The following PDCD6IP variants were observed in gnomAD, a reference collection of about 807,000 sequenced individuals.
PDCD6IP encodes programmed cell death 6 interacting protein.
Under a neutral mutation model 103.7 loss-of-function variants are expected in PDCD6IP, and 43 were observed. The ratio of observed to expected loss-of-function variants is 0.41; its 90% CI spans 0.32 to 0.53. The LOEUF is 0.53. Among genes scored for constraint, PDCD6IP ranks in the 20% least tolerant of loss-of-function variants. The pLI is 0.16. For synonymous variants in PDCD6IP, 354 were observed against 378.7 expected (o/e 0.93, Z 0.76); for missense variants, 871 against 1,036.7 (o/e 0.84, Z 2.20).
At chr3:33,809,532 GGTTTCAGTACTTAATACTTCAGA>G (rs1696671273) in intron 1 of PDCD6IP, among the ~76,000 whole-genome samples, 1 of 152,138 alleles carries the variant, frequency 6.6e-6, no homozygotes, top group Admixed American at 6.6e-5. Context: ...TCCACCAAAG[GGTTTCAGTACTTAATACTTCAGA>G]GTTTATTTCC....
chr3:33,859,365 GA>G (rs1304666183), intron 15 of PDCD6IP, among the ~76,000 whole-genome samples: 8 of 151,578 alleles, frequency 5.3e-5, no homozygotes, highest in African/African-American at 1.9e-4. Context: ...AAAAAGAAAA[GA>G]ATAAGTTTCT....
At chr3:33,835,333 T>C in intron 7 of PDCD6IP, 3 of 456,670 alleles carry the variant, frequency 6.6e-6, no homozygotes, top group South Asian at 4.6e-5. Context: ...ATCTCAATTC[T>C]CTGTGTTGTG....
At chr3:33,849,686 T>C (rs1240745188) in intron 12 of PDCD6IP, among the ~76,000 whole-genome samples, 2 of 152,258 alleles carry the variant, frequency 1.3e-5, no homozygotes, top group African/African-American at 2.4e-5. Flanking sequence ...CAAATTTGAA[T>C]TTATAAGAAA....
At chr3:33,802,673 A>G (rs1696503537) in intron 1 of PDCD6IP, among the ~76,000 whole-genome samples, 1 of 151,960 alleles carries the variant, frequency 6.6e-6, no homozygotes, top group Non-Finnish European at 1.5e-5. Context: ...TATTTTTGGT[A>G]GAGACGGGCT....
At chr3:33,814,054 T>C (rs1696776319) in intron 3 of PDCD6IP, among the ~76,000 whole-genome samples, 1 of 152,162 alleles carries the variant, frequency 6.6e-6, no homozygotes, top group African/African-American at 2.4e-5. Context: ...GGTGAGGACA[T>C]TTGATCTACC....
chr3:33,845,965 C>T (rs976949660), intron 12 of PDCD6IP, among the ~76,000 whole-genome samples: 1 of 152,152 alleles, frequency 6.6e-6, no homozygotes, highest in African/African-American at 2.4e-5. Flanking sequence ...TACTCCTTTC[C>T]ACCTTGTTTC....
At chr3:33,800,321 A>T (rs996094107) in intron 1 of PDCD6IP, among the ~76,000 whole-genome samples, 1 of 151,962 alleles carries the variant, frequency 6.6e-6, no homozygotes, top group African/African-American at 2.4e-5. Context: ...TACAGAAGGG[A>T]GTGCTTTTCT....
Position 33,836,037 on chromosome 3 carries a change from T to A in PDCD6IP, c.835-7T>A, listed in dbSNP as rs1697339858. ...TTTTTTTTTGTTGTTGACGTTTTTC[T>A]TTTTAGCATGCAGCAGAACTGATTA... On this transcript the variant is annotated splice_polypyrimidine_tract_variant and splice_region_variant and intron_variant, in intron 7 of 17. Coordinates refer to ENST00000307296, the MANE Select transcript of PDCD6IP (RefSeq NM_013374.6). 1 of 1,478,820 alleles carries A rather than the reference T, an allele frequency of 6.8e-7. No homozygotes were observed. Among genetic ancestry groups the A allele is most frequent in the Non-Finnish European group, 9.3e-7 (1 of 1,079,164 alleles). 91.6% of individuals were successfully genotyped at this position (1,478,820 alleles called of 1,614,324 possible).
At chr3:33,861,482 A>G (rs187276887) in intron 15 of PDCD6IP, among the ~76,000 whole-genome samples, 1 of 152,284 alleles carries the variant, frequency 6.6e-6, no homozygotes, top group African/African-American at 2.4e-5. Context: ...AATTCAGAGT[A>G]GCCACATTTC....
intron 1 of PDCD6IP, among the ~76,000 whole-genome samples, chr3:33,806,249 CATTTGTCATACA>C (rs1249173335): frequency 6.6e-6 from 1 of 152,064 alleles, no homozygotes; most frequent in Non-Finnish European, 1.5e-5. Flanking sequence ...CTGTAACTAC[CATTTGTCATACA>C]TGTACTCCTG....
intron 9 of PDCD6IP, among the ~76,000 whole-genome samples, chr3:33,840,395 C>T (rs942489797): frequency 6.6e-6 from 1 of 152,126 alleles, no homozygotes; most frequent in African/African-American, 2.4e-5. Context: ...AGGTGAAAGT[C>T]CACAGGTACA....
intron 15 of PDCD6IP, among the ~76,000 whole-genome samples, chr3:33,859,933 C>G (rs537038572): frequency 1.3e-5 from 2 of 152,202 alleles, no homozygotes; most frequent in Non-Finnish European, 2.9e-5. Flanking sequence ...GTGACCAGGG[C>G]TGGTGAAATA....
At position 33,838,194 on chromosome 3, in the gene PDCD6IP, C is replaced by T. The variant is rs757822755; in HGVS notation, c.1058-10C>T. 1 of 1,610,202 alleles carries T rather than the reference C, an allele frequency of 6.2e-7. No individual in the cohort carries two copies. Among genetic ancestry groups the T allele is most frequent in the South Asian group, 1.1e-5 (1 of 89,808 alleles). ...AAAAATTTTGTTGTAATTTCTCTTC[C>T]TAATTTTAGATCTGTTTGAGAAGAT... On this transcript the variant is annotated splice_polypyrimidine_tract_variant and intron_variant, in intron 8 of 17. Transcript: ENST00000307296.
chr3:33,849,553 C>T (rs542370948), intron 12 of PDCD6IP, among the ~76,000 whole-genome samples: 43 of 152,306 alleles, frequency 2.8e-4, no homozygotes, highest in African/African-American at 9.9e-4. Context: ...ATGATCATCA[C>T]TGGCAGCCTA....
Position 33,834,472 on chromosome 3 carries a change from C to T in PDCD6IP, c.835-1572C>T, listed in dbSNP as rs961266799. Reference sequence around the variant, plus strand: ...AGTGATTTAAATTTGTGCAATTTCCCGTTTCCTAGTTTACACTGAAGGGTA... The same window carrying T: ...AGTGATTTAAATTTGTGCAATTTCCTGTTTCCTAGTTTACACTGAAGGGTA... On this transcript the variant is annotated intron_variant, in intron 7 of 17. Coordinates refer to ENST00000307296, the MANE Select transcript of PDCD6IP (RefSeq NM_013374.6). Among the ~76,000 whole-genome samples, 8 of 152,072 alleles carry T rather than the reference C, an allele frequency of 5.3e-5. No individual in the cohort carries two copies. In the East Asian group the frequency reaches 9.6e-4, roughly 18 times the overall value.
intron 12 of PDCD6IP, among the ~76,000 whole-genome samples, chr3:33,849,900 G>C (rs1051051980): frequency 2.0e-5 from 3 of 152,054 alleles, no homozygotes; most frequent in Non-Finnish European, 4.4e-5. Flanking sequence ...CCACAAGTTC[G>C]TTCATAAATT....
At chr3:33,823,456 T>C (rs1280158624) in intron 4 of PDCD6IP, among the ~76,000 whole-genome samples, 1 of 152,232 alleles carries the variant, frequency 6.6e-6, no homozygotes, top group Non-Finnish European at 1.5e-5. Context: ...CATACGCTAT[T>C]TCTTTTTGAG....
Position 33,802,741 on chromosome 3 carries a change from C to T in PDCD6IP, c.209+3804C>T, listed in dbSNP as rs536903179. Among the ~76,000 whole-genome samples the T allele has an allele frequency of 3.9e-5, 6 of 152,274 alleles. No individual in the cohort carries two copies. The South Asian group carries it at 6.2e-4, about 16-fold the overall frequency. On this transcript the variant is annotated intron_variant, in intron 1 of 17. Transcript: ENST00000307296. Reference sequence around the variant, plus strand: ...CTGACCTCGGGTGATCCACCCGCCTCGGCCTCCCAAAGTGCTGGGATTACA... The same window carrying T: ...CTGACCTCGGGTGATCCACCCGCCTTGGCCTCCCAAAGTGCTGGGATTACA...
At chr3:33,820,623 A>G (rs1230857073) in intron 3 of PDCD6IP, among the ~76,000 whole-genome samples, 1 of 152,078 alleles carries the variant, frequency 6.6e-6, no homozygotes, top group Non-Finnish European at 1.5e-5. Context: ...GAATTTGATT[A>G]CTCTAGGTAA....
Sources: allele counts gnomAD v4.1 joint callset (sites outside exome capture counted in the v4.1 genomes callset), GRCh38; gene constraint gnomAD v4.1.1; transcripts MANE v1.5; gene names NCBI Gene and HGNC (gene_info 2026-07-23, HGNC 2026-07-21).